The following PTPRD variants were observed in gnomAD, a reference collection of about 807,000 sequenced individuals.
PTPRD encodes the protein receptor-type tyrosine-protein phosphatase delta.
Under a neutral mutation model 214.5 loss-of-function variants are expected in PTPRD, and 34 were observed. The ratio of observed to expected loss-of-function variants is 0.16; its 90% CI spans 0.12 to 0.21. The LOEUF (loss-of-function observed/expected upper bound fraction) is 0.21, where lower values mean the gene tolerates loss of function less well. PTPRD is among the 10% of genes least tolerant of loss of function. The pLI is 1.00. For synonymous variants in PTPRD, 1,128 were observed against 845.7 expected, an observed-to-expected ratio of 1.33 and a Z score of -5.79; for missense variants, 2,545 against 2,398.7, an observed-to-expected ratio of 1.06 and a Z score of -1.27.
At chr9:9,993,101 G>C (rs1289591146) in intron 4 of PTPRD, among the ~76,000 whole-genome samples, 1 of 152,174 alleles carries the variant, frequency 6.6e-6, no homozygotes, top group Non-Finnish European at 1.5e-5. Flanking sequence ...CTTTCCTTCT[G>C]GTCCAGCCTT....
intron 5 of PTPRD, among the ~76,000 whole-genome samples, chr9:9,798,888 T>C (rs905454220): frequency 1.3e-5 from 2 of 152,198 alleles, no homozygotes; most frequent in Non-Finnish European, 2.9e-5. Context: ...TGTGAATCTC[T>C]AATCCTGAGA....
At chr9:8,814,621 G>T (rs2096883224) in intron 11 of PTPRD, among the ~76,000 whole-genome samples, 1 of 152,134 alleles carries the variant, frequency 6.6e-6, no homozygotes. Flanking sequence ...GCCATCCAAG[G>T]GCAGAGATAA....
chr9:8,621,242 C>CT (rs2095812499), intron 14 of PTPRD, among the ~76,000 whole-genome samples: 1 of 151,832 alleles, frequency 6.6e-6, no homozygotes, highest in Non-Finnish European at 1.5e-5. Flanking sequence ...TGGTGGGGGT[C>CT]TTCGAACAAG....
chr9:8,620,732 T>C (rs1156739609), intron 14 of PTPRD, among the ~76,000 whole-genome samples: 2 of 151,946 alleles, frequency 1.3e-5, no homozygotes, highest in East Asian at 3.9e-4. Context: ...AAAAAAATAG[T>C]ACCAAGATGT....
chr9:9,478,565 C>G (rs1339928985), intron 8 of PTPRD, among the ~76,000 whole-genome samples: 1 of 152,150 alleles, frequency 6.6e-6, no homozygotes, highest in African/African-American at 2.4e-5. Flanking sequence ...GTAAACAGAT[C>G]TTGCCACACA....
intron 39 of PTPRD, among the ~76,000 whole-genome samples, chr9:8,367,202 A>G (rs1213705417): frequency 6.6e-6 from 1 of 152,012 alleles, no homozygotes; most frequent in African/African-American, 2.4e-5. Flanking sequence ...CCAAATATTT[A>G]AAATAAGAGT....
intron 8 of PTPRD, among the ~76,000 whole-genome samples, chr9:9,473,339 T>C (rs1193645502): frequency 6.6e-6 from 1 of 152,240 alleles, no homozygotes; most frequent in African/African-American, 2.4e-5. Context: ...TGGTATTCCA[T>C]TGTGCATATA....
chr9:8,520,254 G>C (rs1464317343), intron 20 of PTPRD, among the ~76,000 whole-genome samples: 1 of 152,170 alleles, frequency 6.6e-6, no homozygotes, highest in Middle Eastern at 3.4e-3. Context: ...TTATATTAAG[G>C]TTACACAATA....
intron 6 of PTPRD, among the ~76,000 whole-genome samples, chr9:9,736,391 A>G (rs1401223084): frequency 6.6e-6 from 1 of 152,040 alleles, no homozygotes; most frequent in Non-Finnish European, 1.5e-5. Context: ...CTCCTATAGT[A>G]TTCCATTGGA....
At chr9:10,596,213 C>T (rs947525933) in intron 2 of PTPRD, among the ~76,000 whole-genome samples, 13 of 151,818 alleles carry the variant, frequency 8.6e-5, no homozygotes, top group African/African-American at 2.2e-4. Context: ...GAAGCTGGAA[C>T]GGAAATCAGA....
At chr9:9,874,812 T>C (rs1371223857) in intron 5 of PTPRD, among the ~76,000 whole-genome samples, 1 of 152,210 alleles carries the variant, frequency 6.6e-6, no homozygotes, top group Admixed American at 6.5e-5. Flanking sequence ...AGGATAGATC[T>C]AAACCTTAAT....
intron 10 of PTPRD, among the ~76,000 whole-genome samples, chr9:9,086,423 G>A (rs962508495): frequency 2.0e-5 from 3 of 152,120 alleles, no homozygotes; most frequent in Non-Finnish European, 4.4e-5. Flanking sequence ...CTCTTAAGAA[G>A]GCTAGGAGCC....
At chr9:9,802,683 T>C (rs2099048877) in intron 5 of PTPRD, among the ~76,000 whole-genome samples, 1 of 151,756 alleles carries the variant, frequency 6.6e-6, no homozygotes, top group South Asian at 2.1e-4. Flanking sequence ...ATACCCAGTA[T>C]CCAGAATAGG....
chr9:8,340,199 A>G, intron 42 of PTPRD, 144 bp downstream of exon 42: 3 of 957,440 alleles, frequency 3.1e-6, no homozygotes, highest in Non-Finnish European at 4.3e-6. Flanking sequence ...TTTAGAAACT[A>G]ACAAGGAATG....
At chr9:8,954,566 A>G (rs2099121297) in intron 11 of PTPRD, among the ~76,000 whole-genome samples, 1 of 151,938 alleles carries the variant, frequency 6.6e-6, no homozygotes, top group Non-Finnish European at 1.5e-5. Context: ...ATAATGCAAA[A>G]CAGCAAAAAC....
Position 9,952,530 on chromosome 9 carries a change from CT to C in PTPRD, c.-471-13921del, listed in dbSNP as rs1254130558. 2.0e-5 allele frequency among the ~76,000 whole-genome samples: 3 copies of C among 152,134 alleles called. No individual in the cohort carries two copies. In the East Asian group the frequency reaches 5.8e-4, roughly 29 times the overall value. ...CGTTCATTGCAATGGAAGATTGTTTCTCACTCGTTCTGACAATCAAATTAGT... is the reference window on the plus strand; with the variant it reads ...CGTTCATTGCAATGGAAGATTGTTTCCACTCGTTCTGACAATCAAATTAGT... On this transcript the variant is annotated intron_variant, in intron 4 of 45. Transcript: ENST00000381196.
At chr9:9,040,996 C>T (rs79481652) in intron 10 of PTPRD, among the ~76,000 whole-genome samples, 2,194 of 152,238 alleles carry the variant, frequency 0.014, 29 homozygotes, top group East Asian at 0.039. Context: ...TACCTGAGTG[C>T]ACTTCTTGTC....
chr9:9,024,338 G>GTTTTTTTTTT lies in PTPRD; in HGVS notation c.-142-5604_-142-5603insAAAAAAAAAA, dbSNP rs746383829. Among the ~76,000 whole-genome samples the GTTTTTTTTTT allele has an allele frequency of 1.3e-3, 81 of 61,236 alleles. 1 individual carries two copies. The highest frequency in any genetic ancestry group is 3.2e-3 in the East Asian group (6 of 1,870). The allele number at this position is 61,236 out of a possible 152,430, so 40.2% of individuals were successfully genotyped here. On this transcript the variant is annotated intron_variant, in intron 10 of 45. Transcript: ENST00000381196. Reference sequence around the variant, plus strand: ...TCGAAAAGGCTATTGTCGATTCTTTGTTTTTTTTTGTTTGTTTTTTTTTTT... The same window carrying GTTTTTTTTTT: ...TCGAAAAGGCTATTGTCGATTCTTTGTTTTTTTTTTTTTTTTTTTGTTTGTTTTTTTTTTT...
chr9:9,486,319 A>C (rs1016063452), intron 8 of PTPRD, among the ~76,000 whole-genome samples: 3 of 152,056 alleles, frequency 2.0e-5, no homozygotes, highest in Admixed American at 1.3e-4. Flanking sequence ...CTGCTGTTTC[A>C]GTCTCTTTTC....
Sources: gnomAD v4.1 joint callset for allele counts (sites outside exome capture counted in the v4.1 genomes callset) on GRCh38, gnomAD v4.1.1 for gene constraint, MANE v1.5 for transcripts, NCBI Gene and HGNC (gene_info 2026-07-23, HGNC 2026-07-21) for gene names.